SMAD2: variants seen among roughly 807,000 people sequenced by gnomAD.
The protein encoded by SMAD2 is MAD homolog 2.
In SMAD2, 8 loss-of-function variants were observed where a neutral mutation model predicts 64.4. The ratio of observed to expected loss-of-function variants is 0.12; its 90% confidence interval spans 0.07 to 0.22. The LOEUF (loss-of-function observed/expected upper bound fraction) is 0.22, where lower values mean the gene tolerates loss of function less well. SMAD2 is among the 10% of genes least tolerant of loss of function. The probability of loss-of-function intolerance (pLI) is 1.00; values close to 1 mark genes in which losing one functional copy is unlikely to be tolerated. For synonymous variants in SMAD2, 203 were observed against 195.8 expected (o/e 1.04, Z -0.31); for missense variants, 289 against 561.2 (o/e 0.51, Z 4.90).
intron 1 of SMAD2, among the ~76,000 whole-genome samples, chr18:47,924,690 G>GA (rs2034694365): frequency 6.6e-6 from 1 of 152,070 alleles, no homozygotes; most frequent in Non-Finnish European, 1.5e-5. Context: ...TCAAACTCCT[G>GA]ACCTCAAAGT....
rs549818162 is a variant in SMAD2 at position 47,810,600 on chromosome 18, T to G, written c.*31227A>C. The stretch of plus-strand genomic sequence containing the variant: ...TCCACAAGGCTAGGCACAAAATTGG[T>G]GCTTAAAAAGACTGATTGACCAACT... On this transcript the variant is annotated 3_prime_UTR_variant, in exon 11 of 11. Transcript: ENST00000262160. The G allele has an allele frequency of 1.2e-4, 19 of 152,204 alleles. No homozygotes were observed. Among genetic ancestry groups the G allele is most frequent in the African/African-American group, 4.3e-4 (18 of 41,526 alleles). 9.4% of individuals were successfully genotyped at this position (152,204 alleles called of 1,614,324 possible).
intron 6 of SMAD2, among the ~76,000 whole-genome samples, chr18:47,857,328 T>G (rs951730975): frequency 6.6e-5 from 10 of 150,842 alleles, no homozygotes; most frequent in Non-Finnish European, 1.0e-4. Flanking sequence ...TGATCATTTT[T>G]TCATTTCTTG....
At chr18:47,908,944 A>G (rs1384474921) in intron 1 of SMAD2, among the ~76,000 whole-genome samples, 1 of 152,230 alleles carries the variant, frequency 6.6e-6, no homozygotes, top group Non-Finnish European at 1.5e-5. Flanking sequence ...GCTCCCAAGA[A>G]GCAGAGAAAA....
At chr18:47,870,732 T>C (rs1407032819) in intron 2 of SMAD2, among the ~76,000 whole-genome samples, 168 bp from the exon 3 acceptor site, 1 of 152,190 alleles carries the variant, frequency 6.6e-6, no homozygotes, top group Non-Finnish European at 1.5e-5. Flanking sequence ...ATATTTTCTA[T>C]ATGAAGGAAG....
rs1439074915 is a variant in SMAD2, at chr18:47,829,632, G to C, written c.*12195C>G. 4.2e-3 allele frequency: 2 copies of C among 474 alleles called. No homozygotes were observed. The highest frequency in any genetic ancestry group is 0.036 in the Admixed American group (1 of 28). The allele number at this position is 474 out of a possible 1,614,324, so 0.0% of individuals were successfully genotyped here. ...GGGTTTATTTAATTATAGGGGGGTT[G>C]GGGTAGAGAGATTAAAAACGGGAAG... On this transcript the variant is annotated 3_prime_UTR_variant, in exon 11 of 11. Coordinates refer to ENST00000262160, the MANE Select transcript of SMAD2 (RefSeq NM_005901.6).
chr18:47,882,041 C>CTTTTTTTTTTTTTT lies in SMAD2; in HGVS notation c.237-11491_237-11478dup. 6.4e-3 allele frequency among the ~76,000 whole-genome samples: 249 copies of CTTTTTTTTTTTTTT among 38,866 alleles called. 59 individuals are homozygous for CTTTTTTTTTTTTTT. Among genetic ancestry groups the CTTTTTTTTTTTTTT allele is most frequent in the Non-Finnish European group, 7.5e-3 (156 of 20,870 alleles). 25.5% of individuals were successfully genotyped at this position (38,866 alleles called of 152,430 possible). On this transcript the variant is annotated intron_variant, in intron 2 of 10. Coordinates refer to ENST00000262160, the MANE Select transcript of SMAD2 (RefSeq NM_005901.6). ...CACAGGAATGTACTACCACGCTTGGCTTTTTTTTTTTTTTTTTTTTTTTTT... is the reference window on the plus strand; with the variant it reads ...CACAGGAATGTACTACCACGCTTGGCTTTTTTTTTTTTTTTTTTTTTTTTTTTTTTTTTTTTTTT...
chr18:47,884,576 A>G (rs2032784838), intron 2 of SMAD2, among the ~76,000 whole-genome samples: 1 of 152,256 alleles, frequency 6.6e-6, no homozygotes, highest in Non-Finnish European at 1.5e-5. Context: ...TTTAATTATA[A>G]AAACTGAAGA....
rs1263340552 is a variant in SMAD2 at position 47,809,877 on chromosome 18, T to C, written c.*31950A>G. 2 of 152,218 alleles carry C rather than the reference T, an allele frequency of 1.3e-5. No homozygotes were observed. The highest frequency in any genetic ancestry group is 2.4e-5 in the African/African-American group (1 of 41,452). The allele number at this position is 152,218 out of a possible 1,614,324, so 9.4% of individuals were successfully genotyped here. Reference sequence around the variant, plus strand: ...TTTTGCCTCATGGCCTGAGACATACTTGGATACAGAGTGGGGTGGACTCAC... The same window carrying C: ...TTTTGCCTCATGGCCTGAGACATACCTGGATACAGAGTGGGGTGGACTCAC... On this transcript the variant is annotated 3_prime_UTR_variant, in exon 11 of 11. Coordinates refer to ENST00000262160, the MANE Select transcript of SMAD2 (RefSeq NM_005901.6).
In SMAD2 at chr18:47,810,934, C is replaced by T. The variant is rs915308338; in HGVS notation, c.*30893G>A. 1 of 152,180 alleles carries T rather than the reference C, an allele frequency of 6.6e-6. No homozygotes were observed. Among genetic ancestry groups the T allele is most frequent in the Non-Finnish European group, 1.5e-5 (1 of 68,040 alleles). The allele number at this position is 152,180 out of a possible 1,614,324, so 9.4% of individuals were successfully genotyped here. On this transcript the variant is annotated 3_prime_UTR_variant, in exon 11 of 11. Transcript: ENST00000262160. ...TTCTTATGCCAAAACAACTTCCGTG[C>T]CTGTCTTGTACTCTGAAGACAGTAA... is the stretch of plus-strand genomic sequence containing the variant.
chr18:47,915,295 C>T (rs902205621), intron 1 of SMAD2, among the ~76,000 whole-genome samples: 1 of 152,160 alleles, frequency 6.6e-6, no homozygotes, highest in African/African-American at 2.4e-5. Flanking sequence ...CCATACAATA[C>T]AGTTCTGTAC....
At chr18:47,897,007 T>C (rs945503961) in intron 1 of SMAD2, among the ~76,000 whole-genome samples, 198 bp from the exon 2 acceptor site, 1 of 152,184 alleles carries the variant, frequency 6.6e-6, no homozygotes, top group African/African-American at 2.4e-5. Flanking sequence ...AAAACAAGAA[T>C]GTTGTAAGGA....
intron 6 of SMAD2, among the ~76,000 whole-genome samples, chr18:47,854,540 T>TAG (rs1280109407): frequency 1.3e-5 from 2 of 152,216 alleles, no homozygotes; most frequent in Non-Finnish European, 2.9e-5. Flanking sequence ...TCTGTTCTTT[T>TAG]AGCCAATTCT....
intron 10 of SMAD2, among the ~76,000 whole-genome samples, chr18:47,843,391 G>A (rs910013004): frequency 1.1e-4 from 17 of 152,072 alleles, no homozygotes. Context: ...GTTCTCCCCT[G>A]TCCCACTTCC....
In SMAD2 at chr18:47,830,576, C is replaced by CAAAAAAAAAAAAAAAAAAAAAA. The variant is rs5824708; in HGVS notation, c.*11250_*11251insTTTTTTTTTTTTTTTTTTTTTT. On this transcript the variant is annotated 3_prime_UTR_variant, in exon 11 of 11. Transcript: ENST00000262160. ...GGGCAACAGAGCAAGACTCTGTCTC[C>CAAAAAAAAAAAAAAAAAAAAAA]AAAAAAAAAAAAAAAAAATTCGTTT... 4.8e-5 allele frequency: 6 copies of CAAAAAAAAAAAAAAAAAAAAAA among 125,412 alleles called. 1 individual carries two copies. The highest frequency in any genetic ancestry group is 1.9e-4 in the African/African-American group (6 of 31,130). The allele number at this position is 125,412 out of a possible 1,614,324, so 7.8% of individuals were successfully genotyped here.
Position 47,824,025 on chromosome 18 carries a change from G to A in SMAD2, c.*17802C>T, listed in dbSNP as rs1912663245. Reference sequence around the variant, plus strand: ...CCTGCCCTCAAAGGTGGCTAAAAGGGTTTTAACACTGACTTTTAGTTGCCA... The same window carrying A: ...CCTGCCCTCAAAGGTGGCTAAAAGGATTTTAACACTGACTTTTAGTTGCCA... On this transcript the variant is annotated 3_prime_UTR_variant, in exon 11 of 11. Transcript: ENST00000262160. 1 of 152,198 alleles carries A rather than the reference G, an allele frequency of 6.6e-6. No homozygotes were observed. The highest frequency in any genetic ancestry group is 1.5e-5 in the Non-Finnish European group (1 of 68,046). 9.4% of individuals were successfully genotyped at this position (152,198 alleles called of 1,614,324 possible).
At chr18:47,891,897 T>C (rs778028172) in intron 2 of SMAD2, among the ~76,000 whole-genome samples, 3 of 152,110 alleles carry the variant, frequency 2.0e-5, no homozygotes, top group East Asian at 1.9e-4. Flanking sequence ...TACTTTTATA[T>C]ATAAATACTA....
In SMAD2 at chr18:47,835,185, TG is replaced by T; in HGVS notation, c.*6641del. The T allele has an allele frequency of 4.5e-6, 1 of 220,894 alleles. No individual in the cohort carries two copies. Among genetic ancestry groups the T allele is most frequent in the Non-Finnish European group, 9.1e-6 (1 of 110,292 alleles). 13.7% of individuals were successfully genotyped at this position (220,894 alleles called of 1,614,324 possible). ...ACAAATATGCCTTTCAAGTCAGGGT[TG>T]GAAAAGCAAAACTGAGGTGTGAGGT... On this transcript the variant is annotated 3_prime_UTR_variant, in exon 11 of 11. Transcript: ENST00000262160.
chr18:47,847,348 T>C (rs1914597746), intron 8 of SMAD2, among the ~76,000 whole-genome samples: 1 of 152,100 alleles, frequency 6.6e-6, no homozygotes, highest in Non-Finnish European at 1.5e-5. Flanking sequence ...CCAGCATTAC[T>C]TCTCACAGGA....
At position 47,810,284 on chromosome 18, in the gene SMAD2, A is replaced by C. The variant is rs1323334200; in HGVS notation, c.*31543T>G. Reference sequence around the variant, plus strand: ...CATTTCCCTGTCCCCAAACCTCCTGAGCCTTCTCCTTGCCCCCTTCCCACC... The same window carrying C: ...CATTTCCCTGTCCCCAAACCTCCTGCGCCTTCTCCTTGCCCCCTTCCCACC... On this transcript the variant is annotated 3_prime_UTR_variant, in exon 11 of 11. Transcript: ENST00000262160. The C allele has an allele frequency of 6.6e-6, 1 of 152,562 alleles. No homozygotes were observed. The highest frequency in any genetic ancestry group is 1.5e-5 in the Non-Finnish European group (1 of 68,190). The allele number at this position is 152,562 out of a possible 1,614,324, so 9.5% of individuals were successfully genotyped here.
Sources: gnomAD v4.1 joint callset for allele counts (sites outside exome capture counted in the v4.1 genomes callset) on GRCh38, gnomAD v4.1.1 for gene constraint, MANE v1.5 for transcripts, NCBI Gene and HGNC (gene_info 2026-07-23, HGNC 2026-07-21) for gene names.